TPCN1: variants seen among roughly 807,000 people sequenced by gnomAD.
TPCN1 encodes two pore segment channel 1.
Under a neutral mutation model 108.8 loss-of-function variants are expected in TPCN1, and 52 were observed. The observed-to-expected ratio is 0.48, with a 90% CI of 0.38 to 0.60. The LOEUF is 0.60. Among genes scored for constraint, TPCN1 ranks in the 20% least tolerant of loss-of-function variants. The pLI is 0.00. For synonymous variants in TPCN1, 446 were observed against 433.7 expected (o/e 1.03, Z -0.35); for missense variants, 806 against 1,072.8 (o/e 0.75, Z 3.47).
At chr12:113,224,341 T>C (rs1566128822) in intron 1 of TPCN1, among the ~76,000 whole-genome samples, 1 of 152,232 alleles carries the variant, frequency 6.6e-6, no homozygotes, top group Non-Finnish European at 1.5e-5. Flanking sequence ...AACTTTTACT[T>C]ATGAAGTGCT....
chr12:113,291,974 A>G lies in TPCN1; in HGVS notation c.2113+16A>G, dbSNP rs180705517. Reference sequence around the variant, plus strand: ...GACTCGGAAGGTCTGTGCAGGGATGATGCCTTGGGCATTTGATATCTGCCG... The same window carrying G: ...GACTCGGAAGGTCTGTGCAGGGATGGTGCCTTGGGCATTTGATATCTGCCG... On this transcript the variant is annotated intron_variant, in intron 25 of 27. Coordinates refer to ENST00000335509, the MANE Select transcript of TPCN1 (RefSeq NM_017901.6). The G allele has an allele frequency of 6.2e-7, 1 of 1,612,088 alleles. No individual in the cohort carries two copies. The highest frequency in any genetic ancestry group is 2.2e-5 in the East Asian group (1 of 44,872).
intron 1 of TPCN1, among the ~76,000 whole-genome samples, chr12:113,225,759 T>C (rs948120954): frequency 2.0e-5 from 3 of 152,014 alleles, no homozygotes; most frequent in Non-Finnish European, 2.9e-5. Flanking sequence ...TTTCACCATG[T>C]TGGCCAGGCT....
At chr12:113,245,600 C>CAAAAAAAAAAA (rs766002477) in intron 2 of TPCN1, among the ~76,000 whole-genome samples, 4 of 43,148 alleles carry the variant, frequency 9.3e-5, no homozygotes, top group Admixed American at 2.3e-4. Context: ...GACTCCGTCT[C>CAAAAAAAAAAA]AAAAAAAAAA....
chr12:113,245,484 C>A (rs1954328898), intron 2 of TPCN1, among the ~76,000 whole-genome samples: 2 of 146,344 alleles, frequency 1.4e-5, no homozygotes, highest in African/African-American at 5.1e-5. Flanking sequence ...GCCTGTAGTC[C>A]CAGCTACTCG....
At chr12:113,287,222 C>T in intron 19 of TPCN1, 128 bp downstream of exon 19, 1 of 749,014 alleles carries the variant, frequency 1.3e-6, no homozygotes, top group Non-Finnish European at 2.2e-6. Context: ...ATGTCACCCC[C>T]TGGAGAATCA....
chr12:113,288,280 G>A lies in TPCN1; in HGVS notation c.1706+46G>A, dbSNP rs780591487. On this transcript the variant is annotated intron_variant, in intron 20 of 27. Transcript: ENST00000335509. The surrounding 1 kb of genome is among the most constrained non-coding windows in gnomAD (Gnocchi z 4.8). ...GGCCTGCAGGTCCAGGTGCCGTGTG[G>A]CAGTGCCCCGTGGGGGCGGGAGCCG... 6.2e-7 allele frequency: 1 copy of A among 1,612,346 alleles called. No individual in the cohort carries two copies. Among genetic ancestry groups the A allele is most frequent in the Admixed American group, 1.7e-5 (1 of 59,866 alleles).
chr12:113,290,071 TG>T, intron 21 of TPCN1, 56 bp from the exon 22 acceptor site: 1 of 1,130,916 alleles, frequency 8.8e-7, no homozygotes. Context: ...CTGTCCTCTC[TG>T]GAGGTGACTG....
intron 2 of TPCN1, among the ~76,000 whole-genome samples, chr12:113,234,390 C>T (rs992298853): frequency 1.4e-4 from 21 of 152,168 alleles, no homozygotes; most frequent in Non-Finnish European, 2.4e-4. Flanking sequence ...CAGTTTGGAG[C>T]GGGGCATGAG....
chr12:113,264,098 GA>G (rs1207538774), intron 3 of TPCN1, among the ~76,000 whole-genome samples: 10 of 152,046 alleles, frequency 6.6e-5, no homozygotes, highest in African/African-American at 2.4e-4. Context: ...ATTGAAACCA[GA>G]AGCTCCCCAG....
intron 2 of TPCN1, among the ~76,000 whole-genome samples, chr12:113,245,251 AGAGT>A (rs1472274440): frequency 6.6e-6 from 1 of 151,958 alleles, no homozygotes; most frequent in African/African-American, 2.4e-5. Flanking sequence ...CCTGGGCAAC[AGAGT>A]GAGACCCTGT....
chr12:113,268,867 C>T lies in TPCN1; in HGVS notation c.654C>T (p.Val218=). 1 of 1,613,898 alleles carries T rather than the reference C, an allele frequency of 6.2e-7. No homozygotes were observed. Among genetic ancestry groups the T allele is most frequent in the Non-Finnish European group, 8.5e-7 (1 of 1,179,914 alleles). ...FLVDCRYCGG[V]RRNLRQIFQS... ...TGGACTGTCGGTATTGCGGTGGCGTCCGGCGGTAAGGCCCGGGTGGGGAGC... is the reference window on the plus strand; with the variant it reads ...TGGACTGTCGGTATTGCGGTGGCGTTCGGCGGTAAGGCCCGGGTGGGGAGC... Residue 218 remains valine (V), a synonymous_variant, in exon 6 of 28, where the codon GTC becomes GTT. Coordinates refer to ENST00000335509, the MANE Select transcript of TPCN1 (RefSeq NM_017901.6). The surrounding 1 kb of genome is among the most constrained non-coding windows in gnomAD (Gnocchi z 7.3).
At position 113,287,022 on chromosome 12, in the gene TPCN1, G is replaced by A; in HGVS notation, c.1562G>A (p.Gly521Glu). The A allele has an allele frequency of 1.2e-6, 2 of 1,613,890 alleles. No individual in the cohort carries two copies. Among genetic ancestry groups the A allele is most frequent in the South Asian group, 1.1e-5 (1 of 91,080 alleles). Residue 521 changes from glycine (G) to glutamate (E), a missense_variant, in exon 19 of 28, where the codon GGA becomes GAA. Transcript: ENST00000335509. The stretch of plus-strand genomic sequence containing the variant: ...TCCGTGACAGTGTTCGCCTTCCTGG[G>A]ACTGCTGGCGCTGGCCCTCAACATG... ...DFSVTVFAFL[G>E]LLALALNMEP...
chr12:113,223,575 G>A (rs1953352316), intron 1 of TPCN1, among the ~76,000 whole-genome samples: 1 of 151,932 alleles, frequency 6.6e-6, no homozygotes, highest in African/African-American at 2.4e-5. Flanking sequence ...ATGGAGTCTC[G>A]CTCTGTCGCC....
rs1566207245 is a variant in TPCN1, at chr12:113,292,009, C to CTG, written c.2113+52_2113+53insGT. ...CATTTGATATCTGCCGCCTACCCAGCTCTGTCTGTCTGTCTGGGTGGCTGT... is the reference window on the plus strand; with the variant it reads ...CATTTGATATCTGCCGCCTACCCAGCTGTCTGTCTGTCTGTCTGGGTGGCTGT... On this transcript the variant is annotated intron_variant, in intron 25 of 27. Coordinates refer to ENST00000335509, the MANE Select transcript of TPCN1 (RefSeq NM_017901.6). The CTG allele has an allele frequency of 6.6e-6, 10 of 1,517,864 alleles. No homozygotes were observed. The South Asian group carries it at 9.0e-5, about 14-fold the overall frequency. The allele number at this position is 1,517,864 out of a possible 1,614,324, so 94.0% of individuals were successfully genotyped here.
chr12:113,277,518 G>T (rs763376040), intron 12 of TPCN1, among the ~76,000 whole-genome samples, 154 bp downstream of exon 12: 16 of 152,158 alleles, frequency 1.1e-4, no homozygotes, highest in Admixed American at 2.0e-4. Context: ...TTACACACTG[G>T]ATTCATCAGG....
rs945221525 is a variant in TPCN1, at chr12:113,288,062, C to T, written c.1635-101C>T. On this transcript the variant is annotated intron_variant, in intron 19 of 27. Coordinates refer to ENST00000335509, the MANE Select transcript of TPCN1 (RefSeq NM_017901.6). The surrounding 1 kb of genome is among the most constrained non-coding windows in gnomAD (Gnocchi z 4.8). ...AGGTGGAGGAGAGGCCCTCACCTGT[C>T]TTCACCGCATGGCGTGTGGAAGGCG... The T allele has an allele frequency of 3.7e-5, 45 of 1,200,958 alleles. No individual in the cohort carries two copies. The highest frequency in any genetic ancestry group is 5.5e-4 in the Middle Eastern group (2 of 3,622). The allele number at this position is 1,200,958 out of a possible 1,614,324, so 74.4% of individuals were successfully genotyped here.
Position 113,279,345 on chromosome 12 carries a change from A to ATG in TPCN1, c.1297+524_1297+525dup, listed in dbSNP as rs1191314168. Among the ~76,000 whole-genome samples the ATG allele has an allele frequency of 2.2e-3, 193 of 88,258 alleles. 3 individuals are homozygous for ATG. The highest frequency in any genetic ancestry group is 0.014 in the East Asian group (36 of 2,516). 57.9% of individuals were successfully genotyped at this position (88,258 alleles called of 152,430 possible). A position where few individuals can be genotyped will look rare whatever the true frequency, so the allele number is the denominator to read the frequency against. ...TGTGTGTGTGTGTGTGTGTATATAT[A>ATG]TGTGTGTGTGTGTGTATATATATAT... On this transcript the variant is annotated intron_variant, in intron 14 of 27. Transcript: ENST00000335509.
At chr12:113,280,396 C>T (rs1478674791) in intron 15 of TPCN1, 1 of 472,116 alleles carries the variant, frequency 2.1e-6, no homozygotes, top group Non-Finnish European at 3.8e-6. Flanking sequence ...CACTCCGGCT[C>T]ATCATCCTCT....
chr12:113,290,346 A>G, intron 22 of TPCN1, 103 bp downstream of exon 22: 1 of 823,432 alleles, frequency 1.2e-6, no homozygotes, highest in Non-Finnish European at 1.9e-6. Flanking sequence ...TCTGGGCCAC[A>G]CTTTCTGGAA....
Sources: allele counts gnomAD v4.1 joint callset (sites outside exome capture counted in the v4.1 genomes callset), GRCh38; gene constraint gnomAD v4.1.1; non-coding constraint Gnocchi (gnomAD v3.1); transcripts MANE v1.5; gene names NCBI Gene and HGNC (gene_info 2026-07-23, HGNC 2026-07-21).